ESYT2: variants seen among roughly 807,000 people sequenced by gnomAD.
The protein encoded by ESYT2 is extended synaptotagmin-2.
ESYT2 carries 54 observed loss-of-function variants against 107.2 expected under a neutral mutation model. That is an observed-to-expected ratio of 0.50 (90% CI 0.40 to 0.63). The LOEUF is 0.63. Among genes scored for constraint, ESYT2 ranks in the 30% least tolerant of loss-of-function variants. ESYT2 has a pLI of 0.00. For synonymous variants in ESYT2, 491 were observed against 434.1 expected (o/e 1.13, Z -1.63); for missense variants, 1,020 against 1,094.5 (o/e 0.93, Z 0.96).
At chr7:158,811,892 A>G (rs770494282) in intron 1 of ESYT2, among the ~76,000 whole-genome samples, 11 of 152,358 alleles carry the variant, frequency 7.2e-5, no homozygotes, top group Middle Eastern at 6.8e-3. Flanking sequence ...TTCAAGAGGA[A>G]TTTGCTAAAT....
intron 1 of ESYT2, among the ~76,000 whole-genome samples, chr7:158,828,163 T>A (rs551496272): frequency 3.3e-5 from 5 of 152,330 alleles, no homozygotes; most frequent in African/African-American, 9.6e-5. Context: ...TATCTCCACA[T>A]CTTTCGAGAG....
intron 1 of ESYT2, 31 bp downstream of exon 1, chr7:158,829,058 G>A (rs1452698965): frequency 6.4e-7 from 1 of 1,570,328 alleles, no homozygotes; most frequent in Non-Finnish European, 8.6e-7. Flanking sequence ...CTGGTGGTCA[G>A]GGGTCGGGAC....
At chr7:158,739,860 T>C (rs951454810) in intron 18 of ESYT2, among the ~76,000 whole-genome samples, 2 of 152,136 alleles carry the variant, frequency 1.3e-5, no homozygotes, top group Non-Finnish European at 2.9e-5. Flanking sequence ...TCGTTAAGAC[T>C]GAAGGAACAG....
chr7:158,736,494 C>T (rs1035559386), intron 20 of ESYT2, among the ~76,000 whole-genome samples: 1 of 152,000 alleles, frequency 6.6e-6, no homozygotes, highest in African/African-American at 2.4e-5. Flanking sequence ...GTCTCTGAGA[C>T]CCTCCTAGGA....
intron 1 of ESYT2, among the ~76,000 whole-genome samples, chr7:158,803,507 G>A (rs1308244098): frequency 1.3e-5 from 2 of 152,136 alleles, no homozygotes; most frequent in Non-Finnish European, 2.9e-5. Flanking sequence ...AAACAGATGT[G>A]GCCTGCGTTC....
intron 7 of ESYT2, among the ~76,000 whole-genome samples, chr7:158,769,789 G>C (rs1354378092): frequency 6.6e-6 from 1 of 152,142 alleles, no homozygotes; most frequent in East Asian, 1.9e-4. Flanking sequence ...AAGGAATTCA[G>C]GCATTATTCT....
In ESYT2 at chr7:158,793,666, A is replaced by C. The variant is rs753781455; in HGVS notation, c.568T>G (p.Leu190Val). 9 of 1,612,882 alleles carry C rather than the reference A, an allele frequency of 5.6e-6. No homozygotes were observed. In the East Asian group the frequency reaches 2.0e-4, roughly 36 times the overall value. The change falls in exon 4 of 23, where the codon TTG becomes GTG. Residue 190 changes from leucine to valine, a missense_variant. Coordinates refer to ENST00000275418, the MANE Select transcript of ESYT2 (RefSeq NM_001367773.1). ...TENVDKRQII[L>V]DLQISFVGNC... is the part of the protein sequence containing the mutation. ...AAAACTTACCTAATCTGAAGGTCCA[A>C]AATAATTTGCCTTTTGTCTACATTT...
chr7:158,794,701 C>T (rs1032026947), intron 3 of ESYT2, among the ~76,000 whole-genome samples: 7 of 137,400 alleles, frequency 5.1e-5, no homozygotes, highest in African/African-American at 1.8e-4. Context: ...CCACTGAGCC[C>T]GGGGGGGTAA....
chr7:158,781,603 G>A (rs1484674601), intron 6 of ESYT2, among the ~76,000 whole-genome samples: 1 of 143,248 alleles, frequency 7.0e-6, no homozygotes, highest in African/African-American at 2.5e-5. Context: ...ATAAGACCGA[G>A]AACAAGTGTG....
intron 4 of ESYT2, 129 bp downstream of exon 4, chr7:158,793,521 A>C (rs1309855433): frequency 1.4e-6 from 1 of 703,198 alleles, no homozygotes; most frequent in Non-Finnish European, 2.4e-6. Flanking sequence ...GATGTCTAAC[A>C]AGAATTTAGT....
intron 1 of ESYT2, among the ~76,000 whole-genome samples, chr7:158,815,887 T>C (rs1288799506): frequency 2.0e-5 from 3 of 152,224 alleles, no homozygotes; most frequent in African/African-American, 7.2e-5. Flanking sequence ...ATCTGATTTC[T>C]GAGATGTTAC....
chr7:158,788,445 G>A, intron 4 of ESYT2, 28 bp from the exon 5 acceptor site: 1 of 1,561,914 alleles, frequency 6.4e-7, no homozygotes. Flanking sequence ...ATTACATGAT[G>A]TAAGTGAAAT....
rs1285791035 is a variant in ESYT2 at position 158,732,589 on chromosome 7, C to G, written c.*1618G>C. On this transcript the variant is annotated 3_prime_UTR_variant, in exon 23 of 23. Coordinates refer to ENST00000275418, the MANE Select transcript of ESYT2 (RefSeq NM_001367773.1). ...TAAATTGAAACAAAATCAAAATCTG[C>G]TAGAAGGGAGGGTGGGTAGACAGCC... 6.6e-6 allele frequency: 1 copy of G among 152,396 alleles called. No homozygotes were observed. Among genetic ancestry groups the G allele is most frequent in the Non-Finnish European group, 1.5e-5 (1 of 68,008 alleles). The allele number at this position is 152,396 out of a possible 1,614,324, so 9.4% of individuals were successfully genotyped here. A position where few individuals can be genotyped will look rare whatever the true frequency, so the allele number is the denominator to read the frequency against.
chr7:158,782,651 AG>A (rs1202781858), intron 6 of ESYT2, among the ~76,000 whole-genome samples: 1 of 151,296 alleles, frequency 6.6e-6, no homozygotes, highest in Non-Finnish European at 1.5e-5. Context: ...AGAACAAAGA[AG>A]TATTAAAGAA....
intron 19 of ESYT2, among the ~76,000 whole-genome samples, chr7:158,737,496 T>C (rs1837008765): frequency 6.6e-6 from 1 of 152,142 alleles, no homozygotes; most frequent in Non-Finnish European, 1.5e-5. Flanking sequence ...TTCTGCCATT[T>C]TCTCTCTCAC....
chr7:158,749,657 C>T lies in ESYT2; in HGVS notation c.1549G>A (p.Glu517Lys). ...VQMSVGHKAQESKIRYKTNEP... is the reference protein window; with the variant it reads ...VQMSVGHKAQKSKIRYKTNEP... ...CAGGGCGAGCACCTTACCTTGCTCT[C>T]CTGGGCCTTGTGCCCAACTGACATC... is the stretch of plus-strand genomic sequence containing the variant. The change falls in exon 15 of 23, where the codon GAG (glutamate) becomes AAG (lysine). Residue 517 changes from glutamate (E) to lysine (K), a missense_variant. Coordinates refer to ENST00000275418, the MANE Select transcript of ESYT2 (RefSeq NM_001367773.1). 1 of 1,614,042 alleles carries T rather than the reference C, an allele frequency of 6.2e-7. No individual in the cohort carries two copies.
intron 3 of ESYT2, among the ~76,000 whole-genome samples, 199 bp downstream of exon 3, chr7:158,797,743 A>G (rs558466824): frequency 6.6e-6 from 1 of 151,718 alleles, no homozygotes; most frequent in East Asian, 1.9e-4. Context: ...AGTCCCAGCT[A>G]CTCGGGAGGC....
At position 158,755,294 on chromosome 7, in the gene ESYT2, C is replaced by G. The variant is rs142882290; in HGVS notation, c.1420-2451G>C. Reference sequence around the variant, plus strand: ...ACTGAGAAGCACTGATCTGGCTTCACGTTGAAAACCAATGGGTGGGGGAAA... The same window carrying G: ...ACTGAGAAGCACTGATCTGGCTTCAGGTTGAAAACCAATGGGTGGGGGAAA... On this transcript the variant is annotated intron_variant, in intron 13 of 22. Coordinates refer to ENST00000275418, the MANE Select transcript of ESYT2 (RefSeq NM_001367773.1). Among the ~76,000 whole-genome samples the G allele has an allele frequency of 6.7e-3, 1,021 of 152,238 alleles. 11 individuals are homozygous for G. The highest frequency in any genetic ancestry group is 0.023 in the African/African-American group (972 of 41,538).
At chr7:158,762,498 CA>C in intron 10 of ESYT2, among the ~76,000 whole-genome samples, 1 of 152,280 alleles carries the variant, frequency 6.6e-6, no homozygotes, top group South Asian at 2.1e-4. Flanking sequence ...TTTTTTGCCA[CA>C]ATTTAATTCA....
Sources: gnomAD v4.1 joint callset for allele counts (sites outside exome capture counted in the v4.1 genomes callset) on GRCh38, gnomAD v4.1.1 for gene constraint, MANE v1.5 for transcripts, NCBI Gene and HGNC (gene_info 2026-07-23, HGNC 2026-07-21) for gene names.